Variants in CACHD1 observed in about 807,000 individuals in gnomAD.
CACHD1 encodes the protein VWFA and cache domain-containing protein 1.
In CACHD1, 71 loss-of-function variants were observed where a neutral mutation model predicts 138.7. The ratio of observed to expected loss-of-function variants is 0.51; its 90% CI spans 0.42 to 0.62. The LOEUF is 0.62. Ranked by LOEUF, CACHD1 falls within the 20% of genes least tolerant of loss-of-function variation. CACHD1 has a pLI of 0.00. For missense variants in CACHD1, 1,389 were observed against 1,625.3 expected (o/e 0.85, Z 2.50); for synonymous variants, 578 against 591.5 (o/e 0.98, Z 0.33).
intron 4 of CACHD1, among the ~76,000 whole-genome samples, chr1:64,625,971 C>A (rs569519837): frequency 6.6e-6 from 1 of 152,232 alleles, no homozygotes; most frequent in African/African-American, 2.4e-5. Context: ...TTGCTAGAGT[C>A]GAGTCTCCAT....
At chr1:64,487,256 C>A (rs1319460984) in intron 1 of CACHD1, among the ~76,000 whole-genome samples, 2 of 152,138 alleles carry the variant, frequency 1.3e-5, no homozygotes, top group African/African-American at 4.8e-5. Flanking sequence ...GGCTCTGTCA[C>A]CCCCTGGCTG....
At chr1:64,635,491 C>G (rs1476686550) in intron 7 of CACHD1, among the ~76,000 whole-genome samples, 1 of 148,112 alleles carries the variant, frequency 6.8e-6, no homozygotes, top group African/African-American at 2.5e-5. Context: ...TCAAGCGATT[C>G]TCCTGCCTCA....
At chr1:64,659,831 G>A (rs1649385145) in intron 13 of CACHD1, among the ~76,000 whole-genome samples, 1 of 152,162 alleles carries the variant, frequency 6.6e-6, no homozygotes, top group Admixed American at 6.5e-5. Flanking sequence ...GAGAAGAAGG[G>A]GAACAGATGG....
chr1:64,564,394 C>A (rs2100492703), intron 2 of CACHD1, among the ~76,000 whole-genome samples: 1 of 152,250 alleles, frequency 6.6e-6, no homozygotes, highest in East Asian at 1.9e-4. Context: ...CCCCCTTCCC[C>A]AGAAGCCCCA....
At chr1:64,491,336 TG>T (rs1033369831) in intron 1 of CACHD1, among the ~76,000 whole-genome samples, 4 of 151,926 alleles carry the variant, frequency 2.6e-5, no homozygotes, top group Non-Finnish European at 4.4e-5. Flanking sequence ...TATCTGAGAC[TG>T]GATAATTTAT....
At chr1:64,517,630 A>G (rs1570323456) in intron 1 of CACHD1, among the ~76,000 whole-genome samples, 1 of 152,148 alleles carries the variant, frequency 6.6e-6, no homozygotes, top group African/African-American at 2.4e-5. Context: ...GAAGACAGTA[A>G]GAGCATCACT....
At chr1:64,663,506 G>A (rs114373369) in intron 13 of CACHD1, among the ~76,000 whole-genome samples, 189 bp from the exon 14 acceptor site, 2,887 of 148,354 alleles carry the variant, frequency 0.019, 88 homozygotes, top group African/African-American at 0.068. Context: ...ATCCGAAGCC[G>A]CGCCACTTCA....
chr1:64,621,742 C>T (rs1647922768), intron 4 of CACHD1, among the ~76,000 whole-genome samples: 1 of 152,144 alleles, frequency 6.6e-6, no homozygotes, highest in Non-Finnish European at 1.5e-5. Context: ...AAAGAATTGG[C>T]TCTTGATGTA....
intron 1 of CACHD1, among the ~76,000 whole-genome samples, chr1:64,489,806 G>A (rs1264202584): frequency 6.6e-6 from 1 of 152,178 alleles, no homozygotes; most frequent in Non-Finnish European, 1.5e-5. Flanking sequence ...GCCAGGAAGA[G>A]TCCTGGGTGT....
rs1192460105 is a variant in CACHD1 at position 64,540,995 on chromosome 1, T to C, written c.199-9599T>C. Reference sequence around the variant, plus strand: ...GTGGCTGTGAGTGTGTGTGTGTGTGTGTGCACGCCCGCACGTGCACACGCA... The same window carrying C: ...GTGGCTGTGAGTGTGTGTGTGTGTGCGTGCACGCCCGCACGTGCACACGCA... On this transcript the variant is annotated intron_variant, in intron 1 of 26. Coordinates refer to ENST00000651257, the MANE Select transcript of CACHD1 (RefSeq NM_020925.4). Among the ~76,000 whole-genome samples the C allele has an allele frequency of 3.9e-5, 6 of 152,368 alleles. No homozygotes were observed. The East Asian group carries it at 7.7e-4, about 20-fold the overall frequency.
At chr1:64,594,366 G>A (rs2100561898) in intron 3 of CACHD1, among the ~76,000 whole-genome samples, 1 of 152,188 alleles carries the variant, frequency 6.6e-6, no homozygotes, top group East Asian at 1.9e-4. Flanking sequence ...ACTCTGACCA[G>A]TAGTAAAATT....
chr1:64,625,999 C>T (rs1183941790), intron 4 of CACHD1, among the ~76,000 whole-genome samples: 1 of 152,180 alleles, frequency 6.6e-6, no homozygotes, highest in Non-Finnish European at 1.5e-5. Flanking sequence ...CATCAGTCCC[C>T]ACATAGGCAT....
chr1:64,658,752 A>G lies in CACHD1; in HGVS notation c.1830A>G (p.Glu610=), dbSNP rs376213137. 1.9e-5 allele frequency: 31 copies of G among 1,611,738 alleles called. 1 individual carries two copies. Among genetic ancestry groups the G allele is most frequent in the Admixed American group, 1.3e-4 (8 of 59,824 alleles). The change falls in exon 13 of 27, where the codon GAA becomes GAG. Residue 610 remains glutamate, a synonymous_variant. Coordinates refer to ENST00000651257, the MANE Select transcript of CACHD1 (RefSeq NM_020925.4). ...TGTGTATTGTGGTGATACAACCAGA[A>G]ATACCTGTGAAACAACTGAAGAACC... is the stretch of plus-strand genomic sequence containing the variant. The part of the protein sequence containing the change: ...FILCIVVIQP[E]IPVKQLKNLN...
chr1:64,626,582 T>C (rs999280309), intron 4 of CACHD1, among the ~76,000 whole-genome samples: 1 of 152,244 alleles, frequency 6.6e-6, no homozygotes, highest in African/African-American at 2.4e-5. Context: ...GCTTCCTGTC[T>C]TGCTAATTGA....
chr1:64,614,236 T>C (rs1023904048), intron 4 of CACHD1, among the ~76,000 whole-genome samples: 2 of 152,230 alleles, frequency 1.3e-5, no homozygotes. Flanking sequence ...GCTGGGCATC[T>C]GCCTATGGAT....
chr1:64,546,603 G>A (rs1646720167), intron 1 of CACHD1, among the ~76,000 whole-genome samples: 1 of 152,016 alleles, frequency 6.6e-6, no homozygotes, highest in African/African-American at 2.4e-5. Flanking sequence ...CCAAAATTCT[G>A]GGATTACAGC....
At chr1:64,650,503 G>A (rs2100678071) in intron 9 of CACHD1, among the ~76,000 whole-genome samples, 1 of 152,286 alleles carries the variant, frequency 6.6e-6, no homozygotes, top group South Asian at 2.1e-4. Context: ...AAAACAGATA[G>A]CATTCTAAAT....
chr1:64,497,883 T>C (rs1408049503), intron 1 of CACHD1, among the ~76,000 whole-genome samples: 1 of 152,046 alleles, frequency 6.6e-6, no homozygotes, highest in Non-Finnish European at 1.5e-5. Context: ...CCCAGCACTT[T>C]GGGAGGCCAA....
Position 64,586,189 on chromosome 1 carries a change from A to G in CACHD1, c.410+3885A>G, listed in dbSNP as rs565529642. Among the ~76,000 whole-genome samples the G allele has an allele frequency of 2.0e-5, 3 of 152,236 alleles. No individual in the cohort carries two copies. In the East Asian group the frequency reaches 5.8e-4, roughly 29 times the overall value. ...AGCGCTTCTCACGCCTCAGTCTCCC[A>G]AGAAGCTGGGACTACAGGGGCGTGC... On this transcript the variant is annotated intron_variant, in intron 3 of 26. Transcript: ENST00000651257.
Sources: gnomAD v4.1 joint callset for allele counts (sites outside exome capture counted in the v4.1 genomes callset) on GRCh38, gnomAD v4.1.1 for gene constraint, MANE v1.5 for transcripts, NCBI Gene and HGNC (gene_info 2026-07-23, HGNC 2026-07-21) for gene names.